Variants in CD300LB observed in about 807,000 individuals in gnomAD.
The protein encoded by CD300LB is CMRF35-like molecule 7.
In CD300LB, 18 loss-of-function variants were observed where a neutral mutation model predicts 20.8. The observed-to-expected ratio is 0.87, with a 90% CI of 0.60 to 1.28. The LOEUF (loss-of-function observed/expected upper bound fraction) is 1.28, where lower values mean the gene tolerates loss of function less well. Among genes scored for constraint, CD300LB ranks in the 50% most tolerant of loss-of-function variants. The probability of loss-of-function intolerance (pLI) is 0.00; values close to 1 mark genes in which losing one functional copy is unlikely to be tolerated. For missense variants in CD300LB, 222 were observed against 251.8 expected, an observed-to-expected ratio of 0.88 and a Z score of 0.80; for synonymous variants, 91 against 91.3, an observed-to-expected ratio of 1.00 and a Z score of 0.02.
chr17:74,530,591 A>ACC (rs1555644199), intron 1 of CD300LB, among the ~76,000 whole-genome samples: 9 of 146,868 alleles, frequency 6.1e-5, no homozygotes, highest in South Asian at 2.1e-4. Flanking sequence ...ACACACACAC[A>ACC]CCCAACTCTC....
At chr17:74,525,675 G>A (rs1409344451) in intron 2 of CD300LB, 73 bp downstream of exon 2, 3 of 1,270,648 alleles carry the variant, frequency 2.4e-6, no homozygotes, top group Admixed American at 1.9e-5. Flanking sequence ...GCCTTGGAGG[G>A]GAGCAGGTAA....
At position 74,522,839 on chromosome 17, in the gene CD300LB, T is replaced by A; in HGVS notation, c.505A>T (p.Ile169Phe). 6.2e-7 allele frequency: 1 copy of A among 1,614,096 alleles called. No individual in the cohort carries two copies. The highest frequency in any genetic ancestry group is 8.5e-7 in the Non-Finnish European group (1 of 1,180,012). ...CTCTGAGACCCCTTCAACCAGAGGA[T>A]GGCAGTGACCAAGATGAGCAAGATG... ...VPILLILVTAILWLKGSQRVP... is the reference protein window; with the variant it reads ...VPILLILVTAFLWLKGSQRVP... The change falls in exon 4 of 4, where the codon ATC becomes TTC. Residue 169 changes from isoleucine (I) to phenylalanine (F), a missense_variant. Physicochemically the swap from Ile to Phe is conservative, Grantham distance 21 (BLOSUM62 0). Transcript: ENST00000392621.
Position 74,522,405 on chromosome 17 carries a change from C to T in CD300LB, c.*333G>A. ...AGTCTAGGGCTGGGGGGGTCTCCCC[C>T]AACCTCTTTCTGTACTTTGGTCCCA... On this transcript the variant is annotated 3_prime_UTR_variant, in exon 4 of 4. Transcript: ENST00000392621. 1.9e-6 allele frequency: 2 copies of T among 1,042,478 alleles called. No individual in the cohort carries two copies. Among genetic ancestry groups the T allele is most frequent in the Non-Finnish European group, 2.3e-6 (2 of 866,192 alleles). The allele number at this position is 1,042,478 out of a possible 1,614,324, so 64.6% of individuals were successfully genotyped here.
chr17:74,530,266 G>A (rs867626271), intron 1 of CD300LB, among the ~76,000 whole-genome samples: 15 of 152,198 alleles, frequency 9.9e-5, no homozygotes, highest in African/African-American at 3.4e-4. Context: ...TGCACACCCT[G>A]CGTAAAATTC....
intron 1 of CD300LB, among the ~76,000 whole-genome samples, chr17:74,529,195 G>A: frequency 6.6e-6 from 1 of 152,046 alleles, no homozygotes; most frequent in East Asian, 1.9e-4. Flanking sequence ...CCAGACATTT[G>A]GGGTTTGCTC....
rs993700083 is a variant in CD300LB at position 74,521,917 on chromosome 17, A to G, written c.*821T>C. 2.0e-6 allele frequency: 2 copies of G among 985,270 alleles called. No homozygotes were observed. The highest frequency in any genetic ancestry group is 3.5e-5 in the African/African-American group (2 of 57,212). 61.0% of individuals were successfully genotyped at this position (985,270 alleles called of 1,614,324 possible). A position where few individuals can be genotyped will look rare whatever the true frequency, so the allele number is the denominator to read the frequency against. Reference sequence around the variant, plus strand: ...AACATCACCGAAAAGGGAGGGTGCCATTTCCTGCGATGGTTTTCGTTACTG... The same window carrying G: ...AACATCACCGAAAAGGGAGGGTGCCGTTTCCTGCGATGGTTTTCGTTACTG... On this transcript the variant is annotated 3_prime_UTR_variant, in exon 4 of 4. Coordinates refer to ENST00000392621, the MANE Select transcript of CD300LB (RefSeq NM_174892.4).
chr17:74,531,450 C>T lies in CD300LB; in HGVS notation c.-100G>A, dbSNP rs755598422. On this transcript the variant is annotated 5_prime_UTR_variant, in exon 1 of 4. In the 5' UTR this introduces an upstream ATG that the reference lacks. Coordinates refer to ENST00000392621, the MANE Select transcript of CD300LB (RefSeq NM_174892.4). ...AGTTCTGCCTGAGCTCTGGCTTGCA[C>T]CTTCTGCACATCTAGACCGCCTTTG... is the stretch of plus-strand genomic sequence containing the variant. 2 of 1,596,224 alleles carry T rather than the reference C, an allele frequency of 1.3e-6. No individual in the cohort carries two copies. The highest frequency in any genetic ancestry group is 1.4e-5 in the African/African-American group (1 of 73,990).
chr17:74,530,737 C>A (rs148912729), intron 1 of CD300LB, among the ~76,000 whole-genome samples: 334 of 152,272 alleles, frequency 2.2e-3, no homozygotes, highest in Middle Eastern at 0.014. Flanking sequence ...TCCACCAATG[C>A]CTTATTGTGT....
intron 1 of CD300LB, 36 bp downstream of exon 1, chr17:74,531,275 G>A: frequency 1.3e-6 from 2 of 1,515,630 alleles, no homozygotes; most frequent in Non-Finnish European, 1.8e-6. Context: ...CCCTGCCCCT[G>A]TCATACCAAG....
Position 74,522,225 on chromosome 17 carries a change from C to T in CD300LB, c.*513G>A, listed in dbSNP as rs552652781. On this transcript the variant is annotated 3_prime_UTR_variant, in exon 4 of 4. Coordinates refer to ENST00000392621, the MANE Select transcript of CD300LB (RefSeq NM_174892.4). The stretch of plus-strand genomic sequence containing the variant: ...TCATGCCCTAGAACCAGGAACTCAT[C>T]CCAGAATCACCCTCCTTGTGTGTGG... The T allele has an allele frequency of 1.4e-4, 138 of 986,160 alleles. 1 individual carries two copies. In the African/African-American group the frequency reaches 2.2e-3, roughly 16 times the overall value. 61.1% of individuals were successfully genotyped at this position (986,160 alleles called of 1,614,324 possible).
chr17:74,522,960 C>A, intron 3 of CD300LB, 60 bp from the exon 4 acceptor site: 1 of 1,517,130 alleles, frequency 6.6e-7, no homozygotes, highest in Non-Finnish European at 9.0e-7. Flanking sequence ...TCACTCCCAT[C>A]CCCTGACCCT....
intron 1 of CD300LB, among the ~76,000 whole-genome samples, chr17:74,530,346 C>A (rs1457682858): frequency 6.6e-6 from 1 of 152,186 alleles, no homozygotes; most frequent in Non-Finnish European, 1.5e-5. Context: ...TAGCCCTTCC[C>A]ACTTTCCACC....
rs758466066 is a variant in CD300LB, at chr17:74,521,729, T to A, written c.*1009A>T. On this transcript the variant is annotated 3_prime_UTR_variant, in exon 4 of 4. Transcript: ENST00000392621. ...TGTGGTGTGTTTGCTTGTGGGCAGG[T>A]GGGGGCGGGAGCACATCTCACATGG... 207 of 983,664 alleles carry A rather than the reference T, an allele frequency of 2.1e-4. No homozygotes were observed. The highest frequency in any genetic ancestry group is 2.4e-4 in the Non-Finnish European group (201 of 829,726). The allele number at this position is 983,664 out of a possible 1,614,324, so 60.9% of individuals were successfully genotyped here.
intron 3 of CD300LB, 197 bp from the exon 4 acceptor site, chr17:74,523,097 G>C: frequency 1.7e-6 from 1 of 581,040 alleles, no homozygotes; most frequent in Non-Finnish European, 3.1e-6. Context: ...TTTGCACGGG[G>C]CCCATCTTCC....
At chr17:74,523,101 A>G (rs1907932470) in intron 3 of CD300LB, 2 of 578,266 alleles carry the variant, frequency 3.5e-6, no homozygotes, top group South Asian at 2.2e-5. Flanking sequence ...CACGGGGCCC[A>G]TCTTCCTTTC....
rs560666643 is a variant in CD300LB, at chr17:74,525,041, C to T, written c.370+707G>A. Among the ~76,000 whole-genome samples the T allele has an allele frequency of 5.3e-5, 8 of 152,226 alleles. No homozygotes were observed. In the South Asian group the frequency reaches 1.7e-3, roughly 32 times the overall value. ...TCACCACCAAATGGACCCGAGTGGA[C>T]ACTGAGCTGATGAAGTACTGAGTAG... On this transcript the variant is annotated intron_variant, in intron 2 of 3. Transcript: ENST00000392621.
At position 74,525,895 on chromosome 17, in the gene CD300LB, G is replaced by T. The variant is rs199687179; in HGVS notation, c.223C>A (p.Arg75Ser). 2 of 1,613,964 alleles carry T rather than the reference G, an allele frequency of 1.2e-6. No homozygotes were observed. Among genetic ancestry groups the T allele is most frequent in the African/African-American group, 2.7e-5 (2 of 74,862 alleles). Residue 75 changes from arginine to serine, a missense_variant, in exon 2 of 4, where the codon CGT (arginine) becomes AGT (serine). Transcript: ENST00000392621. ...RGSEQGEKSD[R>S]VSIKDNQKDR... is the part of the protein sequence containing the mutation. ...TTCTGATTGTCCTTGATGGACACACGGTCACTCTTCTCTCCTTGCTCCGAC... is the reference window on the plus strand; with the variant it reads ...TTCTGATTGTCCTTGATGGACACACTGTCACTCTTCTCTCCTTGCTCCGAC...
Position 74,522,123 on chromosome 17 carries a change from A to G in CD300LB, c.*615T>C. On this transcript the variant is annotated 3_prime_UTR_variant, in exon 4 of 4. Transcript: ENST00000392621. ...GGGAGGACAAGCACCGGGCCGGGCC[A>G]GGGAGGTTCCCATTGCCTCCTCAGC... The G allele has an allele frequency of 2.0e-6, 2 of 985,404 alleles. No homozygotes were observed. Among genetic ancestry groups the G allele is most frequent in the Non-Finnish European group, 2.4e-6 (2 of 829,956 alleles). 61.0% of individuals were successfully genotyped at this position (985,404 alleles called of 1,614,324 possible). A position where few individuals can be genotyped will look rare whatever the true frequency, so the allele number is the denominator to read the frequency against.
chr17:74,525,790 C>T lies in CD300LB; in HGVS notation c.328G>A (p.Gly110Arg). ...TTCACTTGAGTCCCAAGGTCAGGTCCTCTTCTTTCAATCCCACACCAGTAA... is the reference window on the plus strand; with the variant it reads ...TTCACTTGAGTCCCAAGGTCAGGTCTTCTTCTTTCAATCCCACACCAGTAA... ...DVYWCGIERRGPDLGTQVKVI... is the reference protein window; with the variant it reads ...DVYWCGIERRRPDLGTQVKVI... The change falls in exon 2 of 4, where the codon GGA becomes AGA. Residue 110 changes from glycine to arginine, a missense_variant. Transcript: ENST00000392621. 1 of 1,614,138 alleles carries T rather than the reference C, an allele frequency of 6.2e-7. No individual in the cohort carries two copies.
Sources: gnomAD v4.1 joint callset for allele counts (sites outside exome capture counted in the v4.1 genomes callset) on GRCh38, gnomAD v4.1.1 for gene constraint, MANE v1.5 for transcripts, NCBI Gene and HGNC (gene_info 2026-07-23, HGNC 2026-07-21) for gene names.